The following VWF variants were observed in gnomAD, a reference collection of about 807,000 sequenced individuals.
VWF encodes the protein Factor VIII related antigen.
In VWF, 176 loss-of-function variants were observed where a neutral mutation model predicts 308.6. That is an observed-to-expected ratio of 0.57 (90% CI 0.50 to 0.65). The LOEUF (loss-of-function observed/expected upper bound fraction) is 0.65. Among genes scored for constraint, VWF ranks in the 30% least tolerant of loss-of-function variants. The pLI is 0.00. For missense variants in VWF, 3,146 were observed against 3,648.2 expected, an observed-to-expected ratio of 0.86 and a Z score of 3.55; for synonymous variants, 1,385 against 1,443.4, an observed-to-expected ratio of 0.96 and a Z score of 0.92.
At position 6,057,925 on chromosome 12, in the gene VWF, G is replaced by C; in HGVS notation, c.1653C>G (p.Asn551Lys). 1 of 1,613,616 alleles carries C rather than the reference G, an allele frequency of 6.2e-7. No homozygotes were observed. Among genetic ancestry groups the C allele is most frequent in the Non-Finnish European group, 8.5e-7 (1 of 1,179,954 alleles). The change falls in exon 14 of 52, where the codon AAC (asparagine) becomes AAG (lysine). Residue 551 changes from asparagine to lysine, a missense_variant. Physicochemically the swap from Asn to Lys is moderately conservative, Grantham distance 94. This residue lies in a region of VWF where 1,304 missense variants were observed against 1,353.0 expected (regional missense o/e 0.96). Coordinates refer to ENST00000261405, the MANE Select transcript of VWF (RefSeq NM_000552.5). ...GGCAGTCCCCGTGCAGCTTCCAGGC[G>C]TTCCCGAAGTCCTCCACCCGGGGCT... ...LAEPRVEDFG[N>K]AWKLHGDCQD... is the part of the protein sequence containing the mutation.
At chr12:6,038,431 T>C (rs1220547095) in intron 18 of VWF, among the ~76,000 whole-genome samples, 5 of 152,178 alleles carry the variant, frequency 3.3e-5, no homozygotes, top group Non-Finnish European at 7.3e-5. Context: ...CCCCTCACCC[T>C]TGGGCAGGCC....
chr12:6,034,998 T>C lies in VWF; in HGVS notation c.2547-172A>G, dbSNP rs499648. On this transcript the variant is annotated intron_variant, in intron 19 of 51. Coordinates refer to ENST00000261405, the MANE Select transcript of VWF (RefSeq NM_000552.5). ...TGGAGTGTGGACTTCATAGGCCCAG[T>C]ATGGTGCCCAGCAGGAGACAGGGAA... 0.91 allele frequency among the ~76,000 whole-genome samples: 138,734 copies of C among 151,926 alleles called. 63,469 individuals carry two copies. The highest frequency in any genetic ancestry group is 0.94 in the African/African-American group (38,927 of 41,450).
Position 6,051,286 on chromosome 12 carries a change from C to CTTTTTTTTTTTTTT in VWF, c.2186+1243_2186+1256dup, listed in dbSNP as rs55842185. Among the ~76,000 whole-genome samples, 17 of 117,544 alleles carry CTTTTTTTTTTTTTT rather than the reference C, an allele frequency of 1.4e-4. 1 individual carries two copies. The highest frequency in any genetic ancestry group is 5.4e-4 in the African/African-American group (16 of 29,490). 77.1% of individuals were successfully genotyped at this position (117,544 alleles called of 152,430 possible). A position where few individuals can be genotyped will look rare whatever the true frequency, so the allele number is the denominator to read the frequency against. ...TTCCATAATCAGGACTTCTTTTTTT[C>CTTTTTTTTTTTTTT]TTTTTTTTTTTTTTTTTTTTTTTGA... On this transcript the variant is annotated intron_variant, in intron 16 of 51. Coordinates refer to ENST00000261405, the MANE Select transcript of VWF (RefSeq NM_000552.5).
chr12:6,052,404 C>T, intron 16 of VWF, 139 bp downstream of exon 16: 13 of 1,331,894 alleles, frequency 9.8e-6, no homozygotes, highest in Admixed American at 1.7e-5. Flanking sequence ...CCGCTTCTGA[C>T]TTGCTGTACA....
chr12:6,029,570 C>T, intron 21 of VWF, 82 bp from the exon 22 acceptor site: 1 of 1,569,218 alleles, frequency 6.4e-7, no homozygotes, highest in Admixed American at 1.8e-5. Flanking sequence ...TACACCTGCC[C>T]ATCTGTCTTC....
At chr12:6,007,259 A>G (rs1489629001) in intron 34 of VWF, among the ~76,000 whole-genome samples, 1 of 152,230 alleles carries the variant, frequency 6.6e-6, no homozygotes, top group East Asian at 1.9e-4. Flanking sequence ...ATTCTACCCA[A>G]CAACAGCAAA....
chr12:6,075,581 T>C lies in VWF; in HGVS notation c.658-30A>G. 5 of 1,600,938 alleles carry C rather than the reference T, an allele frequency of 3.1e-6. No individual in the cohort carries two copies. In the African/African-American group the frequency reaches 4.0e-5, roughly 13 times the overall value. ...AGGAAGAGGGGCCGCCTCAGCGGTATGCTCCGTTAGTGTCTCCCTGAGTGT... is the reference window on the plus strand; with the variant it reads ...AGGAAGAGGGGCCGCCTCAGCGGTACGCTCCGTTAGTGTCTCCCTGAGTGT... On this transcript the variant is annotated intron_variant, in intron 6 of 51. Transcript: ENST00000261405. This position sits in a 1 kb window ranked among gnomAD's most constrained non-coding sequence, Gnocchi z 4.7.
chr12:6,096,938 T>C (rs923253702), intron 5 of VWF, among the ~76,000 whole-genome samples: 1 of 152,134 alleles, frequency 6.6e-6, no homozygotes, highest in Non-Finnish European at 1.5e-5. Flanking sequence ...AAATGAGACC[T>C]TGGAATATAG....
At chr12:6,014,068 T>C (rs1016697301) in intron 31 of VWF, among the ~76,000 whole-genome samples, 2 of 151,968 alleles carry the variant, frequency 1.3e-5, no homozygotes, top group African/African-American at 4.8e-5. Flanking sequence ...AAAGATGGCA[T>C]CTGAGCAGAA....
intron 10 of VWF, among the ~76,000 whole-genome samples, chr12:6,066,971 T>C (rs575138848): frequency 6.6e-6 from 1 of 152,294 alleles, no homozygotes; most frequent in South Asian, 2.1e-4. Context: ...AGTGGATCCC[T>C]TCCAGGACAG....
intron 5 of VWF, among the ~76,000 whole-genome samples, chr12:6,106,130 C>T (rs535057749): frequency 1.2e-4 from 19 of 152,226 alleles, no homozygotes; most frequent in African/African-American, 4.1e-4. Flanking sequence ...ATAGGCAAAA[C>T]GTGGAAGCAA....
intron 6 of VWF, among the ~76,000 whole-genome samples, chr12:6,086,325 C>T (rs1429132140): frequency 6.6e-6 from 1 of 152,104 alleles, no homozygotes; most frequent in African/African-American, 2.4e-5. Context: ...CGGGGAAAGA[C>T]ACGTGTGTAC....
intron 24 of VWF, 102 bp downstream of exon 24, chr12:6,025,478 A>C: frequency 1.1e-6 from 1 of 949,784 alleles, no homozygotes; most frequent in South Asian, 1.4e-5. Context: ...GATCATGTCA[A>C]GACACGAGGG....
Position 6,064,372 on chromosome 12 carries a change from G to C in VWF, c.1306C>G (p.Arg436Gly). 2 of 1,614,072 alleles carry C rather than the reference G, an allele frequency of 1.2e-6. No homozygotes were observed. The highest frequency in any genetic ancestry group is 2.2e-5 in the South Asian group (2 of 91,088). Residue 436 changes from arginine to glycine, a missense_variant, in exon 12 of 52, where the codon CGC (arginine) becomes GGC (glycine). By Grantham distance (125) the Arg-to-Gly change is moderately radical. Transcript: ENST00000261405. ...VIETVQCADD[R>G]DAVCTRSVTV... ...ACGGAGCGGGTGCACACAGCGTCGC[G>C]GTCATCAGCACACTGCCAAGAGGGA...
intron 5 of VWF, among the ~76,000 whole-genome samples, chr12:6,107,627 A>G (rs1367130400): frequency 1.3e-5 from 2 of 152,178 alleles, no homozygotes; most frequent in African/African-American, 4.8e-5. Context: ...TCATTACATT[A>G]AAGGAACAAT....
In VWF at chr12:5,981,783, T is replaced by C; in HGVS notation, c.7287+3A>G. ...TGATAGTTAATAGCCAAGCAGTCCT[T>C]ACCTTGTCGGGAAGGCAGGTGGTTG... On this transcript the variant is annotated splice_donor_region_variant and intron_variant, in intron 42 of 51. Transcript: ENST00000261405. 6.2e-7 allele frequency: 1 copy of C among 1,614,078 alleles called. No homozygotes were observed. The highest frequency in any genetic ancestry group is 8.5e-7 in the Non-Finnish European group (1 of 1,180,012).
chr12:6,023,805 G>A lies in VWF; in HGVS notation c.3223-18C>T, dbSNP rs549168401. 9 of 1,610,618 alleles carry A rather than the reference G, an allele frequency of 5.6e-6. No individual in the cohort carries two copies. The highest frequency in any genetic ancestry group is 3.4e-5 in the Admixed American group (2 of 59,542). On this transcript the variant is annotated intron_variant, in intron 24 of 51. Coordinates refer to ENST00000261405, the MANE Select transcript of VWF (RefSeq NM_000552.5). Reference sequence around the variant, plus strand: ...GGGTCCACCTGCAAAGGCAGCCTCAGGTGGCCCAGGCCTATGGCCAGGTGT... The same window carrying A: ...GGGTCCACCTGCAAAGGCAGCCTCAAGTGGCCCAGGCCTATGGCCAGGTGT...
intron 26 of VWF, among the ~76,000 whole-genome samples, chr12:6,022,273 C>G (rs1944137718): frequency 6.6e-6 from 1 of 152,088 alleles, no homozygotes; most frequent in African/African-American, 2.4e-5. Context: ...CTCCCCAAGC[C>G]TCAGGACAAA....
intron 15 of VWF, among the ~76,000 whole-genome samples, chr12:6,054,964 G>A (rs543556921): frequency 6.6e-6 from 1 of 152,264 alleles, no homozygotes; most frequent in African/African-American, 2.4e-5. Flanking sequence ...ACAGCCCAAG[G>A]CCATCTGGTC....
Sources: allele counts gnomAD v4.1 joint callset (sites outside exome capture counted in the v4.1 genomes callset), GRCh38; gene constraint gnomAD v4.1.1; regional missense constraint gnomAD v4.1.1; non-coding constraint Gnocchi (gnomAD v3.1); transcripts MANE v1.5; gene names NCBI Gene and HGNC (gene_info 2026-07-23, HGNC 2026-07-21).